The following MRNIP variants were observed in gnomAD, a reference collection of about 807,000 sequenced individuals.
MRNIP encodes MRN complex-interacting protein.
Under a neutral mutation model 29.8 loss-of-function variants are expected in MRNIP, and 30 were observed. The ratio of observed to expected loss-of-function variants is 1.01; its 90% CI spans 0.75 to 1.36. The LOEUF (loss-of-function observed/expected upper bound fraction) is 1.36. MRNIP is among the 40% of genes most tolerant of loss of function. The pLI, the probability that MRNIP is intolerant of heterozygous loss-of-function variation, is 0.00. For synonymous variants in MRNIP, 201 were observed against 164.1 expected, an observed-to-expected ratio of 1.23 and a Z score of -1.72; for missense variants, 459 against 423.5, an observed-to-expected ratio of 1.08 and a Z score of -0.74.
At chr5:179,849,095 T>C (rs1759246287) in intron 2 of MRNIP, among the ~76,000 whole-genome samples, 1 of 147,762 alleles carries the variant, frequency 6.8e-6, no homozygotes, top group Non-Finnish European at 1.5e-5. Flanking sequence ...AGGCAGATGG[T>C]ACGAGACGGA....
At position 179,837,712 on chromosome 5, in the gene MRNIP, T is replaced by G; in HGVS notation, c.711A>C (p.Arg237Ser). 6.2e-7 allele frequency: 1 copy of G among 1,614,226 alleles called. No homozygotes were observed. Among genetic ancestry groups the G allele is most frequent in the East Asian group, 2.2e-5 (1 of 44,894 alleles). Reference protein sequence around the residue: ...SKWAQFVLPPRKSSHVDSEQP... With the variant: ...SKWAQFVLPPSKSSHVDSEQP... Reference sequence around the variant, plus strand: ...GCTCACTGTCCACATGTGAACTTTTTCTAGGTGGCAGGACAAATTGCGCCC... The same window carrying G: ...GCTCACTGTCCACATGTGAACTTTTGCTAGGTGGCAGGACAAATTGCGCCC... The change falls in exon 7 of 7, where the codon AGA (arginine) becomes AGC (serine). Residue 237 changes from arginine (R) to serine (S), a missense_variant. By Grantham distance (110) the Arg-to-Ser change is moderately radical (BLOSUM62 -1). Transcript: ENST00000292586.
rs758976132 is a variant in MRNIP, at chr5:179,841,918, C to T, written c.438G>A (p.Leu146=). 25 of 1,613,628 alleles carry T rather than the reference C, an allele frequency of 1.5e-5. No individual in the cohort carries two copies. The highest frequency in any genetic ancestry group is 3.3e-5 in the Admixed American group (2 of 59,966). ...GACGCACTTGGTACCTTTTTCTAGG[C>T]AGGTCTTGACTGAAGCGGGGGCCTG... The part of the protein sequence containing the change: ...EEPGPRFSQD[L]PRKRKWSRST... The change falls in exon 5 of 7, where the codon CTG becomes CTA. Residue 146 remains leucine (L), a synonymous_variant. Coordinates refer to ENST00000292586, the MANE Select transcript of MRNIP (RefSeq NM_016175.4).
chr5:179,851,084 C>A, intron 2 of MRNIP: 1 of 391,152 alleles, frequency 2.6e-6, no homozygotes, highest in Non-Finnish European at 5.1e-6. Context: ...TAAGCCACCA[C>A]AATTTTGGTG....
At chr5:179,840,755 G>C in intron 6 of MRNIP, 117 bp downstream of exon 6, 1 of 790,928 alleles carries the variant, frequency 1.3e-6, no homozygotes, top group Non-Finnish European at 2.1e-6. Flanking sequence ...ACCCGGGTGG[G>C]AAGATGGGCT....
At chr5:179,858,630 G>C (rs1759704698) in intron 1 of MRNIP, 101 bp downstream of exon 1, 1 of 739,584 alleles carries the variant, frequency 1.4e-6, no homozygotes, top group Non-Finnish European at 2.1e-6. Flanking sequence ...CTTCGGGCCC[G>C]GTGCATCCCG....
At chr5:179,842,406 C>A (rs555982694) in intron 4 of MRNIP, among the ~76,000 whole-genome samples, 1 of 151,876 alleles carries the variant, frequency 6.6e-6, no homozygotes, top group East Asian at 1.9e-4. Context: ...AGTAGCCGGG[C>A]GCGGTGGCTC....
rs546424013 is a variant in MRNIP at position 179,852,234 on chromosome 5, C to T, written c.126+1144G>A. Among the ~76,000 whole-genome samples the T allele has an allele frequency of 1.8e-3, 273 of 149,320 alleles. 1 individual carries two copies. Among genetic ancestry groups the T allele is most frequent in the African/African-American group, 6.5e-3 (262 of 40,524 alleles). ...CCGGGAGGCGAAGGTTGCAGTGAGC[C>T]GAGATTGCGCCACTGCACTCCAGCC... On this transcript the variant is annotated intron_variant, in intron 2 of 6. Coordinates refer to ENST00000292586, the MANE Select transcript of MRNIP (RefSeq NM_016175.4).
intron 2 of MRNIP, chr5:179,853,077 C>G (rs938304650): frequency 1.0e-4 from 57 of 562,950 alleles, no homozygotes; most frequent in African/African-American, 1.0e-3. Flanking sequence ...TCCCCTTCCA[C>G]ACAAGTGCAT....
At chr5:179,853,161 G>T (rs966369310) in intron 2 of MRNIP, 3 of 1,415,026 alleles carry the variant, frequency 2.1e-6, no homozygotes, top group Admixed American at 2.0e-5. Flanking sequence ...AAGTACTCAA[G>T]AAATACTTGC....
Position 179,837,450 on chromosome 5 carries a change from G to A in MRNIP, c.973C>T (p.Arg325Ter), listed in dbSNP as rs763677235. ...AAGAGGTCACATAGTCGTGTGGGTC[G>A]AGGATTCTGTGCCTCCAGGACCAGG... The part of the protein sequence containing the change: ...GPLVLEAQNP[R>*]PTRLCDLFIT... The change falls in exon 7 of 7, where the codon CGA (arginine) becomes TGA (stop). Residue 325 changes from arginine (R) to a stop codon, truncating the protein, a stop_gained. Coordinates refer to ENST00000292586, the MANE Select transcript of MRNIP (RefSeq NM_016175.4). LOFTEE classifies it high-confidence loss of function. 23 of 1,611,206 alleles carry A rather than the reference G, an allele frequency of 1.4e-5. No homozygotes were observed. Among genetic ancestry groups the A allele is most frequent in the Non-Finnish European group, 2.0e-5 (23 of 1,178,404 alleles).
intron 1 of MRNIP, among the ~76,000 whole-genome samples, chr5:179,855,631 G>C (rs1182612566): frequency 6.6e-6 from 1 of 152,140 alleles, no homozygotes; most frequent in Non-Finnish European, 1.5e-5. Flanking sequence ...ATGTTACCAA[G>C]GGATACCAAG....
chr5:179,844,126 C>T (rs1432277335), intron 4 of MRNIP, 26 bp downstream of exon 4: 2 of 1,607,408 alleles, frequency 1.2e-6, no homozygotes, highest in Admixed American at 3.3e-5. Context: ...CAGAGCCAGC[C>T]TGGGGCAGGT....
At chr5:179,837,938 A>C in intron 6 of MRNIP, 53 bp from the exon 7 acceptor site, 8 of 1,547,050 alleles carry the variant, frequency 5.2e-6, no homozygotes, top group Non-Finnish European at 7.0e-6. Flanking sequence ...GCCAGGGCCC[A>C]GGAGGACCGC....
intron 1 of MRNIP, among the ~76,000 whole-genome samples, chr5:179,855,899 GAAAA>G (rs1759555602): frequency 7.0e-6 from 1 of 142,734 alleles, no homozygotes; most frequent in Admixed American, 7.0e-5. Context: ...AAACAAGTAA[GAAAA>G]GTTGTTTTTT....
chr5:179,858,685 CT>C (rs1759707939), intron 1 of MRNIP, 45 bp downstream of exon 1: 1 of 1,286,150 alleles, frequency 7.8e-7, no homozygotes, highest in Admixed American at 2.3e-5. Flanking sequence ...TCCCCGTCCG[CT>C]GTCCCCGCGC....
rs765375112 is a variant in MRNIP at position 179,858,792 on chromosome 5, GCCATC to G, written c.-1_4del. 3 of 1,540,746 alleles carry G rather than the reference GCCATC, an allele frequency of 1.9e-6. No homozygotes were observed. The South Asian group carries it at 3.6e-5, about 19-fold the overall frequency. ...TAGCACCCGAGAACGCTGAAGCGAC[GCCATC>G]CCTGCTTGTGCAGTCGCCAGGCAGC... On this transcript the variant is annotated start_lost and 5_prime_UTR_variant, in exon 1 of 7. Transcript: ENST00000292586.
At chr5:179,843,059 AAGGGAGGG>A (rs1191359772) in intron 4 of MRNIP, among the ~76,000 whole-genome samples, 47 of 120,010 alleles carry the variant, frequency 3.9e-4, no homozygotes, top group Admixed American at 7.6e-4. Flanking sequence ...GGAAGGAAGG[AAGGGAGGG>A]AGGGAGGGAG....
At position 179,837,665 on chromosome 5, in the gene MRNIP, T is replaced by A; in HGVS notation, c.758A>T (p.Asp253Val). 6.2e-7 allele frequency: 1 copy of A among 1,614,174 alleles called. No homozygotes were observed. The highest frequency in any genetic ancestry group is 8.5e-7 in the Non-Finnish European group (1 of 1,180,034). The change falls in exon 7 of 7, where the codon GAC (aspartate) becomes GTC (valine). Residue 253 changes from aspartate to valine, a missense_variant. Coordinates refer to ENST00000292586, the MANE Select transcript of MRNIP (RefSeq NM_016175.4). ...DSEQPRSLQR[D>V]PRPAGPAQAK... Reference sequence around the variant, plus strand: ...CTGTGCTGGACCAGCTGGCCTGGGGTCCCTCTGAAGAGACCTTGGCTGCTC... The same window carrying A: ...CTGTGCTGGACCAGCTGGCCTGGGGACCCTCTGAAGAGACCTTGGCTGCTC...
chr5:179,858,714 G>T lies in MRNIP; in HGVS notation c.66+17C>A. 6.8e-7 allele frequency: 1 copy of T among 1,467,306 alleles called. No homozygotes were observed. Among genetic ancestry groups the T allele is most frequent in the Non-Finnish European group, 9.2e-7 (1 of 1,091,968 alleles). The allele number at this position is 1,467,306 out of a possible 1,614,324, so 90.9% of individuals were successfully genotyped here. On this transcript the variant is annotated intron_variant, in intron 1 of 6. Coordinates refer to ENST00000292586, the MANE Select transcript of MRNIP (RefSeq NM_016175.4). ...CCCCGCGCCGGAGGAGGAGGAGGGG[G>T]CTGGCACCCGCCAGACCTGGTGCGC...
Sources: allele counts gnomAD v4.1 joint callset (sites outside exome capture counted in the v4.1 genomes callset), GRCh38; gene constraint gnomAD v4.1.1; transcripts MANE v1.5; gene names NCBI Gene and HGNC (gene_info 2026-07-23, HGNC 2026-07-21).